The following LINGO1 variants were observed in gnomAD, a reference collection of about 807,000 sequenced individuals.
LINGO1 encodes the protein leucine rich repeat and Ig domain containing 1.
A neutral mutation model predicts 37.3 loss-of-function variants in LINGO1; 11 were observed. The ratio of observed to expected loss-of-function variants is 0.29; its 90% CI spans 0.19 to 0.49. The LOEUF is 0.49. Ranked by LOEUF, LINGO1 falls within the 20% of genes least tolerant of loss-of-function variation. LINGO1 has a pLI of 0.99. For missense variants in LINGO1, 585 were observed against 878.2 expected, an observed-to-expected ratio of 0.67 and a Z score of 4.22; for synonymous variants, 387 against 403.0, an observed-to-expected ratio of 0.96 and a Z score of 0.48.
chr15:77,743,098 G>A (rs952481851), intron 1 of LINGO1, among the ~76,000 whole-genome samples: 7 of 152,164 alleles, frequency 4.6e-5, no homozygotes, highest in African/African-American at 1.7e-4. Flanking sequence ...GAAAGGGTGG[G>A]GGGTGGAAGG....
chr15:77,751,385 T>C (rs1358322002), intron 1 of LINGO1, among the ~76,000 whole-genome samples: 4 of 152,224 alleles, frequency 2.6e-5, no homozygotes, highest in South Asian at 4.1e-4. Flanking sequence ...CCTACTATTA[T>C]CTACCTTGCC....
In LINGO1 at chr15:77,756,485, GACACACACAC is replaced by G. The variant is rs35031617; in HGVS notation, c.-256-21442_-256-21433del. 3.2e-3 allele frequency among the ~76,000 whole-genome samples: 447 copies of G among 140,788 alleles called. 5 individuals carry two copies. Among genetic ancestry groups the G allele is most frequent in the African/African-American group, 0.011 (388 of 36,206 alleles). 92.4% of individuals were successfully genotyped at this position (140,788 alleles called of 152,430 possible). A position where few individuals can be genotyped will look rare whatever the true frequency, so the allele number is the denominator to read the frequency against. ...ACTGACATACAATGACAGACAGACA[GACACACACAC>G]ACACACACACACACACACACACACA... On this transcript the variant is annotated intron_variant, in intron 1 of 3. Transcript: ENST00000561686.
At chr15:77,621,156 G>A (rs2073906305) in intron 1 of LINGO1, among the ~76,000 whole-genome samples, 1 of 151,866 alleles carries the variant, frequency 6.6e-6, no homozygotes, top group African/African-American at 2.4e-5. Flanking sequence ...CCAGGTTCAA[G>A]TGATTTTCTG....
chr15:77,637,056 C>G (rs1034652881), upstream of LINGO1, among the ~76,000 whole-genome samples: 6 of 152,200 alleles, frequency 3.9e-5, no homozygotes, highest in African/African-American at 1.2e-4. This position sits in a 1 kb window ranked among gnomAD's most constrained non-coding sequence, Gnocchi z 4.6. Flanking sequence ...TTGGGGACAC[C>G]AGCTTCCCAT....
chr15:77,648,434 C>G (rs2074685841), intron 3 of LINGO1: 1 of 153,596 alleles, frequency 6.5e-6, no homozygotes, highest in Non-Finnish European at 1.4e-5. Flanking sequence ...CATGCCTTCC[C>G]CACTCCCCAG....
chr15:77,620,941 G>C (rs1168125035), intron 1 of LINGO1, among the ~76,000 whole-genome samples: 1 of 152,188 alleles, frequency 6.6e-6, no homozygotes. Flanking sequence ...AGGTCCAGGG[G>C]GGCAGGGACG....
chr15:77,780,131 T>C (rs2076701222), intron 1 of LINGO1, among the ~76,000 whole-genome samples: 1 of 152,164 alleles, frequency 6.6e-6, no homozygotes, highest in Non-Finnish European at 1.5e-5. Flanking sequence ...GCAGGTGGAA[T>C]GGCAGGTATG....
rs184732946 is a variant in LINGO1, at chr15:77,736,921, C to T, written c.-256-1868G>A. On this transcript the variant is annotated intron_variant, in intron 1 of 3. Coordinates refer to the LINGO1 transcript ENST00000561686. ...TTGGATCTGGGCTGTGAAGTTCCAGCATGTTTTCCTAACGGACTGTCACAG... is the reference window on the plus strand; with the variant it reads ...TTGGATCTGGGCTGTGAAGTTCCAGTATGTTTTCCTAACGGACTGTCACAG... Among the ~76,000 whole-genome samples the T allele has an allele frequency of 2.3e-3, 351 of 152,336 alleles. 2 individuals carry two copies. The highest frequency in any genetic ancestry group is 8.2e-3 in the African/African-American group (341 of 41,584).
chr15:77,732,213 C>T (rs1284799741), intron 2 of LINGO1, among the ~76,000 whole-genome samples: 2 of 152,220 alleles, frequency 1.3e-5, no homozygotes, highest in African/African-American at 4.8e-5. Flanking sequence ...CTGCTAGGTC[C>T]ACCCACAGCT....
chr15:77,792,103 C>G (rs934541603), intron 2 of LINGO1, among the ~76,000 whole-genome samples: 7 of 152,192 alleles, frequency 4.6e-5, no homozygotes, highest in African/African-American at 1.7e-4. Flanking sequence ...TGCAGCCTCC[C>G]CTCATGATGC....
intron 2 of LINGO1, among the ~76,000 whole-genome samples, chr15:77,731,041 G>A (rs912636230): frequency 3.3e-5 from 5 of 152,304 alleles, no homozygotes; most frequent in Middle Eastern, 3.4e-3. Flanking sequence ...CTTGGATAAC[G>A]GGAGAATGAT....
intron 2 of LINGO1, among the ~76,000 whole-genome samples, chr15:77,714,332 A>T (rs141324312): frequency 9.9e-4 from 151 of 152,252 alleles, no homozygotes; most frequent in Middle Eastern, 6.8e-3. Context: ...CCCTTCCTGC[A>T]GCAGCTGGAG....
chr15:77,614,363 C>A lies in LINGO1; in HGVS notation c.1544G>T (p.Arg515Leu), dbSNP rs752005315. 1.2e-6 allele frequency: 2 copies of A among 1,613,822 alleles called. No homozygotes were observed. The highest frequency in any genetic ancestry group is 1.7e-6 in the Non-Finnish European group (2 of 1,179,886). The change falls in exon 2 of 2, where the codon CGC (arginine) becomes CTC (leucine). Residue 515 changes from arginine (R) to leucine (L), a missense_variant. Physicochemically the swap from Arg to Leu is moderately radical, Grantham distance 102. Coordinates refer to ENST00000355300, the MANE Select transcript of LINGO1 (RefSeq NM_032808.7). The stretch of plus-strand genomic sequence containing the variant: ...ATGGGGCCAGTCGGGCGAGTAGCTG[C>A]GCACATGCAGGTGGGCGGGCATGGA... The part of the protein sequence containing the change: ...NDSMPAHLHV[R>L]SYSPDWPHQP...
chr15:77,779,512 T>C (rs1302134019), intron 1 of LINGO1, among the ~76,000 whole-genome samples: 1 of 152,012 alleles, frequency 6.6e-6, no homozygotes, highest in Non-Finnish European at 1.5e-5. Context: ...CATCTGGGGA[T>C]GATGGGAGAC....
At chr15:77,810,500 C>T (rs973062964) in intron 1 of LINGO1, among the ~76,000 whole-genome samples, 1 of 152,214 alleles carries the variant, frequency 6.6e-6, no homozygotes, top group African/African-American at 2.4e-5. Flanking sequence ...CAGGGGAGCA[C>T]TAGTGGGTCC....
rs142648333 is a variant in LINGO1 at position 77,759,144 on chromosome 15, A to G, written c.-256-24091T>C. ...CAGGGGATGGGCATGTGACCTACGC[A>G]GATTAAATGCCCATGTGTGTGCAGC... On this transcript the variant is annotated intron_variant, in intron 1 of 3. Transcript: ENST00000561686. Among the ~76,000 whole-genome samples the G allele has an allele frequency of 2.4e-4, 37 of 152,356 alleles. 1 individual carries two copies. The highest frequency in any genetic ancestry group is 8.9e-4 in the African/African-American group (37 of 41,576).
intron 3 of LINGO1, among the ~76,000 whole-genome samples, chr15:77,640,858 A>G (rs1268856176): frequency 6.6e-6 from 1 of 152,000 alleles, no homozygotes; most frequent in Non-Finnish European, 1.5e-5. Context: ...TCATTCATTC[A>G]TTCATCAAAT....
At chr15:77,765,076 T>G (rs1364199586) in intron 1 of LINGO1, among the ~76,000 whole-genome samples, 16 of 151,984 alleles carry the variant, frequency 1.1e-4, no homozygotes, top group Admixed American at 1.0e-3. Flanking sequence ...AACATGGTTT[T>G]GAAAGTTGGA....
In LINGO1 at chr15:77,614,348, T is replaced by C; in HGVS notation, c.1559A>G (p.Asp520Gly). The change falls in exon 2 of 2, where the codon GAC becomes GGC. Residue 520 changes from aspartate (D) to glycine (G), a missense_variant. Asp to Gly is a moderately conservative substitution (Grantham distance 94). Around this residue, in one of 4 missense-constraint regions of LINGO1, gnomAD observed 484 missense variants for 735.0 expected, o/e 0.66. Coordinates refer to ENST00000355300, the MANE Select transcript of LINGO1 (RefSeq NM_032808.7). Reference protein sequence around the residue: ...AHLHVRSYSPDWPHQPNKTFA... With the variant: ...AHLHVRSYSPGWPHQPNKTFA... ...GGTCTTGTTGGGCTGATGGGGCCAG[T>C]CGGGCGAGTAGCTGCGCACATGCAG... 5 of 1,613,892 alleles carry C rather than the reference T, an allele frequency of 3.1e-6. No homozygotes were observed. The highest frequency in any genetic ancestry group is 4.2e-6 in the Non-Finnish European group (5 of 1,179,894).
Sources: allele counts gnomAD v4.1 joint callset (sites outside exome capture counted in the v4.1 genomes callset), GRCh38; gene constraint gnomAD v4.1.1; regional missense constraint gnomAD v4.1.1; non-coding constraint Gnocchi (gnomAD v3.1); transcripts MANE v1.5; gene names NCBI Gene and HGNC (gene_info 2026-07-23, HGNC 2026-07-21).